AR: variants seen among roughly 807,000 people sequenced by gnomAD.
AR encodes dihydrotestosterone receptor.
AR carries 8 observed loss-of-function variants against 53.9 expected under a neutral mutation model. The ratio of observed to expected loss-of-function variants is 0.15; its 90% CI spans 0.09 to 0.27. AR has a LOEUF of 0.27. Among genes scored for constraint, AR ranks in the 10% least tolerant of loss-of-function variants. The pLI is 1.00. For synonymous variants in AR, 359 were observed against 316.4 expected (o/e 1.13, Z -1.43); for missense variants, 639 against 742.5 (o/e 0.86, Z 1.62).
In AR at chrX:67,664,556, G is replaced by A. The variant is rs183035593; in HGVS notation, c.1768+21149G>A. 7.1e-5 allele frequency among the ~76,000 whole-genome samples: 8 copies of A among 112,148 alleles called. No homozygotes were observed. In the East Asian group the frequency reaches 1.4e-3, roughly 20 times the overall value. ...GGGGTGCCTCCCAGTTAGGCTACTC[G>A]GGGTTCAGGGAACCACTTGAGGAGG... is the stretch of plus-strand genomic sequence containing the variant. On this transcript the variant is annotated intron_variant, in intron 2 of 7. Transcript: ENST00000374690.
At chrX:67,673,676 A>T (rs1265018968) in intron 2 of AR, among the ~76,000 whole-genome samples, 1 of 110,057 alleles carries the variant, frequency 9.1e-6, no homozygotes, top group Non-Finnish European at 1.9e-5. Context: ...ATCTGATAGA[A>T]TTCTGAATTC....
intron 2 of AR, among the ~76,000 whole-genome samples, chrX:67,668,500 C>A (rs1927374598): frequency 9.1e-6 from 1 of 109,877 alleles, no homozygotes; most frequent in African/African-American, 3.4e-5. Context: ...CAGTGTTTAT[C>A]AGGGATATTG....
intron 1 of AR, among the ~76,000 whole-genome samples, chrX:67,623,766 G>C (rs1426937747): frequency 1.8e-5 from 2 of 111,272 alleles, no homozygotes; most frequent in Non-Finnish European, 3.8e-5. Flanking sequence ...AAAAAAGAGA[G>C]AAAATTCAAA....
intron 1 of AR, among the ~76,000 whole-genome samples, chrX:67,611,806 C>A (rs1362806568): frequency 8.9e-6 from 1 of 111,830 alleles, no homozygotes; most frequent in Non-Finnish European, 1.9e-5. Context: ...AGAAAAGAGT[C>A]TAAAGGTTCT....
At chrX:67,711,307 A>T (rs1048594153) in intron 3 of AR, 95 bp from the exon 4 acceptor site, 31 of 973,268 alleles carry the variant, frequency 3.2e-5, no homozygotes, top group Non-Finnish European at 4.3e-5. Flanking sequence ...GAGAATGGTG[A>T]TTTTCTTAGC....
chrX:67,669,756 G>A (rs1927451053), intron 2 of AR, among the ~76,000 whole-genome samples: 2 of 110,064 alleles, frequency 1.8e-5, no homozygotes, highest in South Asian at 3.8e-4. Context: ...TAAAATTGTT[G>A]TATCCTCCTG....
At chrX:67,671,080 T>G in intron 2 of AR, among the ~76,000 whole-genome samples, 1 of 112,265 alleles carries the variant, frequency 8.9e-6, no homozygotes, top group Non-Finnish European at 1.9e-5. Context: ...CATTTGTCTT[T>G]ATAGAAGAAT....
chrX:67,712,163 A>T (rs2076096538), intron 4 of AR, among the ~76,000 whole-genome samples: 3 of 112,146 alleles, frequency 2.7e-5, no homozygotes, highest in Admixed American at 9.4e-5. Context: ...GTTGGGAATC[A>T]GAACACTTCG....
In AR at chrX:67,544,975, T is replaced by G; in HGVS notation, c.-172T>G. On this transcript the variant is annotated 5_prime_UTR_variant, in exon 1 of 8. Coordinates refer to ENST00000374690, the MANE Select transcript of AR (RefSeq NM_000044.6). ...TCTTCTGCACGAGACTTTGAGGCTG[T>G]CAGAGCGCTTTTTGCGTGGTTGCTC... 1 of 664,708 alleles carries G rather than the reference T, an allele frequency of 1.5e-6. No homozygotes were observed. Among genetic ancestry groups the G allele is most frequent in the Middle Eastern group, 4.0e-4 (1 of 2,508 alleles). 54.8% of individuals were successfully genotyped at this position (664,708 alleles called of 1,213,427 possible). A position where few individuals can be genotyped will look rare whatever the true frequency, so the allele number is the denominator to read the frequency against.
chrX:67,606,070 A>G (rs184479984), intron 1 of AR, among the ~76,000 whole-genome samples: 1 of 111,495 alleles, frequency 9.0e-6, no homozygotes, highest in Non-Finnish European at 1.9e-5. Context: ...TTTAAATTTC[A>G]TAGTGTACAT....
In AR at chrX:67,643,415, G is replaced by T. The variant is rs1925891009; in HGVS notation, c.1768+8G>T. The stretch of plus-strand genomic sequence containing the variant: ...TCAAAAGAGCCGCTGAAGGTAAAGG[G>T]TCTTGCACATGCACTTCTCTTTCCC... On this transcript the variant is annotated splice_region_variant and intron_variant, in intron 2 of 7. Coordinates refer to ENST00000374690, the MANE Select transcript of AR (RefSeq NM_000044.6). 1 of 1,203,627 alleles carries T rather than the reference G, an allele frequency of 8.3e-7. No individual in the cohort carries two copies. Among genetic ancestry groups the T allele is most frequent in the African/African-American group, 1.7e-5 (1 of 57,148 alleles).
chrX:67,686,050 T>C lies in AR; in HGVS notation c.1809T>C (p.Thr603=). The part of the protein sequence containing the change: ...KYLCASRNDC[T]IDKFRRKNCP... ...TGTGCGCCAGCAGAAATGATTGCACTATTGATAAATTCCGAAGGAAAAATT... is the reference window on the plus strand; with the variant it reads ...TGTGCGCCAGCAGAAATGATTGCACCATTGATAAATTCCGAAGGAAAAATT... Residue 603 remains threonine (T), a synonymous_variant, in exon 3 of 8, where the codon ACT becomes ACC. Coordinates refer to ENST00000374690, the MANE Select transcript of AR (RefSeq NM_000044.6). The C allele has an allele frequency of 8.3e-7, 1 of 1,210,966 alleles. No homozygotes were observed. Among genetic ancestry groups the C allele is most frequent in the South Asian group, 1.8e-5 (1 of 56,976 alleles).
chrX:67,660,117 T>A (rs1353884536), intron 2 of AR, among the ~76,000 whole-genome samples: 1 of 111,940 alleles, frequency 8.9e-6, no homozygotes, highest in Non-Finnish European at 1.9e-5. Context: ...GATATTACCC[T>A]TTGTCAGATG....
At chrX:67,579,151 G>T (rs775816345) in intron 1 of AR, among the ~76,000 whole-genome samples, 10 of 111,860 alleles carry the variant, frequency 8.9e-5, no homozygotes, top group Non-Finnish European at 1.9e-4. Context: ...CTCTCTCAAC[G>T]TAGCTCTTTT....
At chrX:67,659,613 A>G (rs371958530) in intron 2 of AR, among the ~76,000 whole-genome samples, 1 of 111,782 alleles carries the variant, frequency 8.9e-6, no homozygotes, top group Non-Finnish European at 1.9e-5. Flanking sequence ...AATCCAGTTT[A>G]TCATTGATGG....
At chrX:67,584,755 T>C (rs947900433) in intron 1 of AR, among the ~76,000 whole-genome samples, 1 of 112,015 alleles carries the variant, frequency 8.9e-6, no homozygotes, top group Non-Finnish European at 1.9e-5. Flanking sequence ...ATTTTCATAT[T>C]GTCTTCCAAC....
intron 1 of AR, among the ~76,000 whole-genome samples, chrX:67,553,662 G>GT (rs1181339638): frequency 3.6e-5 from 4 of 111,612 alleles, no homozygotes; most frequent in African/African-American, 9.8e-5. Context: ...TCTCAACAAC[G>GT]TTAAGTTATT....
chrX:67,616,786 G>C (rs967819702), intron 1 of AR, among the ~76,000 whole-genome samples: 6 of 111,224 alleles, frequency 5.4e-5, no homozygotes, highest in Non-Finnish European at 9.4e-5. Context: ...GCTAGGCACA[G>C]GGGATAAAAC....
chrX:67,680,788 G>T (rs968010804), intron 2 of AR: 10 of 327,492 alleles, frequency 3.1e-5, no homozygotes, highest in Non-Finnish European at 5.9e-5. Context: ...CTGCATGGCA[G>T]CACCAATGGG....
Sources: gnomAD v4.1 joint callset for allele counts (sites outside exome capture counted in the v4.1 genomes callset) on GRCh38, gnomAD v4.1.1 for gene constraint, MANE v1.5 for transcripts, NCBI Gene and HGNC (gene_info 2026-07-23, HGNC 2026-07-21) for gene names.